Variants in RAD54L2 observed in about 807,000 individuals in gnomAD.
RAD54L2 encodes RAD54 like 2.
RAD54L2 carries 27 observed loss-of-function variants against 138.4 expected under a neutral mutation model. That is an observed-to-expected ratio of 0.20 (90% CI 0.14 to 0.27). The LOEUF is 0.27. RAD54L2 is among the 10% of genes least tolerant of loss of function. RAD54L2 has a pLI of 1.00. For synonymous variants in RAD54L2, 644 were observed against 723.2 expected, an observed-to-expected ratio of 0.89 and a Z score of 1.76; for missense variants, 1,396 against 1,890.2, an observed-to-expected ratio of 0.74 and a Z score of 4.85.
chr3:51,650,978 A>G (rs1701415749), intron 19 of RAD54L2, among the ~76,000 whole-genome samples: 1 of 152,212 alleles, frequency 6.6e-6, no homozygotes, highest in African/African-American at 2.4e-5. Context: ...AACCCTTCAA[A>G]AAGTCAATGA....
At chr3:51,549,116 C>T (rs1698773041) in intron 2 of RAD54L2, among the ~76,000 whole-genome samples, 1 of 152,126 alleles carries the variant, frequency 6.6e-6, no homozygotes, top group Admixed American at 6.5e-5. Context: ...GCCTCAGCCT[C>T]CTGAGTATCT....
In RAD54L2 at chr3:51,645,158, A is replaced by G. The variant is rs1258601560; in HGVS notation, c.2585A>G (p.Tyr862Cys). 1.2e-6 allele frequency: 2 copies of G among 1,613,840 alleles called. No individual in the cohort carries two copies. The highest frequency in any genetic ancestry group is 1.3e-5 in the African/African-American group (1 of 74,914). Residue 862 changes from tyrosine (Y) to cysteine (C), a missense_variant, in exon 17 of 23, where the codon TAT becomes TGT. By Grantham distance (194) the Tyr-to-Cys change is radical. Coordinates refer to ENST00000684192, the MANE Select transcript of RAD54L2 (RefSeq NM_015106.4). This position sits in a 1 kb window ranked among gnomAD's most constrained non-coding sequence, Gnocchi z 6.1. ...GGCCAGAAAAAGCCCTGTTACATCTATCGCCTTGTGGCTGATTACACTCTA... is the reference window on the plus strand; with the variant it reads ...GGCCAGAAAAAGCCCTGTTACATCTGTCGCCTTGTGGCTGATTACACTCTA... ...RYGQKKPCYIYRLVADYTLEK... is the reference protein window; with the variant it reads ...RYGQKKPCYICRLVADYTLEK...
At position 51,663,740 on chromosome 3, in the gene RAD54L2, T is replaced by G. The variant is rs1701849651; in HGVS notation, c.*320T>G. 1 of 288,488 alleles carries G rather than the reference T, an allele frequency of 3.5e-6. No individual in the cohort carries two copies. Among genetic ancestry groups the G allele is most frequent in the South Asian group, 6.4e-5 (1 of 15,688 alleles). 17.9% of individuals were successfully genotyped at this position (288,488 alleles called of 1,614,324 possible). A position where few individuals can be genotyped will look rare whatever the true frequency, so the allele number is the denominator to read the frequency against. ...GCTTGCTTGCTCGCCCATCTGAGTG[T>G]AGAAGCGCACATCCCATTTCTGTCT... is the stretch of plus-strand genomic sequence containing the variant. On this transcript the variant is annotated 3_prime_UTR_variant, in exon 23 of 23. Coordinates refer to ENST00000684192, the MANE Select transcript of RAD54L2 (RefSeq NM_015106.4).
chr3:51,575,545 C>T (rs1278979611), intron 2 of RAD54L2, among the ~76,000 whole-genome samples: 1 of 152,068 alleles, frequency 6.6e-6, no homozygotes, highest in Non-Finnish European at 1.5e-5. Flanking sequence ...TTGTAGTTCT[C>T]CTTGAAGAGG....
At chr3:51,586,789 G>T (rs916770839) in intron 2 of RAD54L2, among the ~76,000 whole-genome samples, 2 of 151,856 alleles carry the variant, frequency 1.3e-5, no homozygotes, top group African/African-American at 4.8e-5. Flanking sequence ...GGCTGGTCTT[G>T]AACTCCTGAC....
intron 2 of RAD54L2, among the ~76,000 whole-genome samples, chr3:51,572,331 T>G (rs1577395801): frequency 6.6e-6 from 1 of 151,914 alleles, no homozygotes; most frequent in East Asian, 2.0e-4. Context: ...TGGGCACCTG[T>G]AATCCCAGCT....
chr3:51,577,846 C>T (rs183595278), intron 2 of RAD54L2, among the ~76,000 whole-genome samples: 18 of 152,260 alleles, frequency 1.2e-4, no homozygotes, highest in Admixed American at 5.2e-4. Flanking sequence ...TCTTCTGTGT[C>T]GCTTACGCTG....
In RAD54L2 at chr3:51,645,982, G is replaced by T. The variant is rs1701269270; in HGVS notation, c.2829+219G>T. 6.6e-6 allele frequency among the ~76,000 whole-genome samples: 1 copy of T among 152,134 alleles called. No individual in the cohort carries two copies. ...GGAGTGCTAAGGTTAGCCATGTATA[G>T]TAATTTGGCCAGTGAGTCTTCTTAG... On this transcript the variant is annotated intron_variant, in intron 18 of 22. Transcript: ENST00000684192. The surrounding 1 kb of genome is among the most constrained non-coding windows in gnomAD (Gnocchi z 6.1).
chr3:51,577,106 A>C (rs1431157521), intron 2 of RAD54L2, among the ~76,000 whole-genome samples: 3 of 152,156 alleles, frequency 2.0e-5, no homozygotes, highest in Non-Finnish European at 4.4e-5. Context: ...TTATGTACCC[A>C]GTAGTCATTC....
Position 51,646,293 on chromosome 3 carries a change from C to G in RAD54L2, c.2838C>G (p.Phe946Leu), listed in dbSNP as rs771548885. Reference protein sequence around the residue: ...KYPHLITKEPFEHESLLLNRK... With the variant: ...KYPHLITKEPLEHESLLLNRK... ...TCCTCCTGTGTCCCCAGGAGCCTTT[C>G]GAGCATGAGTCATTGCTCTTGAACC... Residue 946 changes from phenylalanine to leucine, a missense_variant, in exon 19 of 23, where the codon TTC becomes TTG. Around this residue, in one of 7 missense-constraint regions of RAD54L2, gnomAD observed 634 missense variants for 711.2 expected, o/e 0.89. Coordinates refer to ENST00000684192, the MANE Select transcript of RAD54L2 (RefSeq NM_015106.4). The G allele has an allele frequency of 6.3e-7, 1 of 1,584,426 alleles. No individual in the cohort carries two copies. Among genetic ancestry groups the G allele is most frequent in the Admixed American group, 1.8e-5 (1 of 54,654 alleles).
intron 3 of RAD54L2, among the ~76,000 whole-genome samples, chr3:51,613,189 G>A (rs1354780373): frequency 2.0e-5 from 3 of 151,850 alleles, no homozygotes; most frequent in East Asian, 1.9e-4. Context: ...CACCCGCCTC[G>A]GCCTCCCAAA....
chr3:51,646,499 G>C lies in RAD54L2; in HGVS notation c.3026+18G>C, dbSNP rs771612851. 4 of 1,590,038 alleles carry C rather than the reference G, an allele frequency of 2.5e-6. No homozygotes were observed. Among genetic ancestry groups the C allele is most frequent in the Middle Eastern group, 1.8e-4 (1 of 5,666 alleles). On this transcript the variant is annotated intron_variant, in intron 19 of 22. Transcript: ENST00000684192. ...AGAAACTGGTGAGTTGCTGAAAGGG[G>C]AGGGTCTGCTGCTGGGCCAGGCACA...
In RAD54L2 at chr3:51,666,174, C is replaced by CTTTTTTTTTTTTTTTTTTTT. The variant is rs1169939947; in HGVS notation, c.*2770_*2789dup. ...AGTGCTACCAGGTCCATGGTTTTTG[C>CTTTTTTTTTTTTTTTTTTTT]TTTTTTTTTTTTTTTTTTTTTTTTT... On this transcript the variant is annotated 3_prime_UTR_variant, in exon 23 of 23. Coordinates refer to ENST00000684192, the MANE Select transcript of RAD54L2 (RefSeq NM_015106.4). 1.7e-5 allele frequency: 1 copy of CTTTTTTTTTTTTTTTTTTTT among 58,708 alleles called. No individual in the cohort carries two copies. The highest frequency in any genetic ancestry group is 2.8e-5 in the Non-Finnish European group (1 of 36,318). 3.6% of individuals were successfully genotyped at this position (58,708 alleles called of 1,614,324 possible). A position where few individuals can be genotyped will look rare whatever the true frequency, so the allele number is the denominator to read the frequency against.
intron 2 of RAD54L2, among the ~76,000 whole-genome samples, chr3:51,585,098 A>C (rs947240888): frequency 1.3e-5 from 2 of 152,074 alleles, no homozygotes; most frequent in Admixed American, 1.3e-4. Context: ...GGAGTGAGCC[A>C]CTATGCCTGG....
At chr3:51,571,112 C>T (rs1334043480) in intron 2 of RAD54L2, among the ~76,000 whole-genome samples, 2 of 152,142 alleles carry the variant, frequency 1.3e-5, no homozygotes, top group African/African-American at 2.4e-5. Flanking sequence ...TAAGCTGCTG[C>T]GCTCAGCCAG....
At chr3:51,620,311 C>T (rs1700542197) in intron 3 of RAD54L2, among the ~76,000 whole-genome samples, 1 of 134,068 alleles carries the variant, frequency 7.5e-6, no homozygotes, top group Non-Finnish European at 1.5e-5. Context: ...GTTGCCCAGT[C>T]TGGTCTTGAA....
chr3:51,632,820 A>G (rs958956880), intron 7 of RAD54L2, among the ~76,000 whole-genome samples: 3 of 149,582 alleles, frequency 2.0e-5, no homozygotes, highest in Admixed American at 2.0e-4. Flanking sequence ...TGAACCGGGG[A>G]AATGGGAGGT....
intron 2 of RAD54L2, among the ~76,000 whole-genome samples, chr3:51,561,637 C>G (rs767766185): frequency 8.5e-5 from 13 of 152,124 alleles, no homozygotes; most frequent in South Asian, 2.1e-4. Flanking sequence ...TCACGGCTCA[C>G]TGCAGCCTCA....
intron 3 of RAD54L2, among the ~76,000 whole-genome samples, chr3:51,607,917 G>T (rs532293224): frequency 7.2e-6 from 1 of 139,256 alleles, no homozygotes; most frequent in South Asian, 2.1e-4. Context: ...GGGGCGGCTG[G>T]CCGGGCGGGG....
Sources: allele counts gnomAD v4.1 joint callset (sites outside exome capture counted in the v4.1 genomes callset), GRCh38; gene constraint gnomAD v4.1.1; regional missense constraint gnomAD v4.1.1; non-coding constraint Gnocchi (gnomAD v3.1); transcripts MANE v1.5; gene names NCBI Gene and HGNC (gene_info 2026-07-23, HGNC 2026-07-21).